SULF1: variants seen among roughly 807,000 people sequenced by gnomAD.
SULF1 encodes the protein sulfatase 1.
Under a neutral mutation model 110.5 loss-of-function variants are expected in SULF1, and 46 were observed. That is an observed-to-expected ratio of 0.42 (90% CI 0.33 to 0.53). The LOEUF (loss-of-function observed/expected upper bound fraction) is 0.53. Ranked by LOEUF, SULF1 falls within the 20% of genes least tolerant of loss-of-function variation. The pLI, the probability that SULF1 is intolerant of heterozygous loss-of-function variation, is 0.12. For missense variants in SULF1, 941 were observed against 1,094.2 expected (o/e 0.86, Z 1.98); for synonymous variants, 371 against 387.1 (o/e 0.96, Z 0.49).
In SULF1 at chr8:69,572,898, G is replaced by A. The variant is rs144127657; in HGVS notation, c.173-3072G>A. ...GCTGAAGTGCAGTGGCGCGATCTTGGCTCACTGCAACCTCTGCCTCCTGGG... is the reference window on the plus strand; with the variant it reads ...GCTGAAGTGCAGTGGCGCGATCTTGACTCACTGCAACCTCTGCCTCCTGGG... On this transcript the variant is annotated intron_variant, in intron 5 of 22. Transcript: ENST00000402687. 1.8e-3 allele frequency among the ~76,000 whole-genome samples: 271 copies of A among 152,304 alleles called. 1 individual carries two copies. Among genetic ancestry groups the A allele is most frequent in the African/African-American group, 6.3e-3 (261 of 41,562 alleles).
intron 6 of SULF1, among the ~76,000 whole-genome samples, chr8:69,579,642 C>T (rs147479624): frequency 2.0e-5 from 3 of 150,400 alleles, no homozygotes; most frequent in African/African-American, 4.9e-5. Context: ...GATGGGAAAA[C>T]ATTACAGTAT....
intron 3 of SULF1, among the ~76,000 whole-genome samples, chr8:69,537,701 G>T (rs1399623007): frequency 6.6e-6 from 1 of 152,186 alleles, no homozygotes; most frequent in African/African-American, 2.4e-5. Context: ...TATGTCAGGG[G>T]ACACTGAGGC....
chr8:69,569,657 C>A (rs767399608), intron 5 of SULF1, among the ~76,000 whole-genome samples: 2 of 152,166 alleles, frequency 1.3e-5, no homozygotes, highest in African/African-American at 2.4e-5. Flanking sequence ...TTTCTTATAC[C>A]TGGCTGCCTT....
At chr8:69,648,669 G>C (rs1287236065) in intron 22 of SULF1, among the ~76,000 whole-genome samples, 1 of 152,194 alleles carries the variant, frequency 6.6e-6, no homozygotes, top group African/African-American at 2.4e-5. Context: ...TGTGCCAAAG[G>C]GGAAGAGAAG....
intron 5 of SULF1, among the ~76,000 whole-genome samples, chr8:69,573,918 T>A (rs1805419363): frequency 6.6e-6 from 1 of 152,198 alleles, no homozygotes; most frequent in South Asian, 2.1e-4. Context: ...ACTCCCAGCC[T>A]TCTCATGCAT....
intron 1 of SULF1, among the ~76,000 whole-genome samples, chr8:69,495,024 G>A (rs1810239718): frequency 6.6e-6 from 1 of 152,166 alleles, no homozygotes; most frequent in African/African-American, 2.4e-5. Flanking sequence ...AGGGCTGGAT[G>A]AAGGGAATGG....
intron 3 of SULF1, among the ~76,000 whole-genome samples, chr8:69,543,732 G>T (rs1183477596): frequency 6.6e-6 from 1 of 152,046 alleles, no homozygotes; most frequent in Non-Finnish European, 1.5e-5. Flanking sequence ...CATCATTTAG[G>T]AATCCTTATA....
Position 69,570,858 on chromosome 8 carries a change from G to T in SULF1, c.173-5112G>T, listed in dbSNP as rs545586128. ...GGAAGATGTTCTCAGTCCCAGCCTG[G>T]AACTGGGGCACTGGGACAGTGTGTC... On this transcript the variant is annotated intron_variant, in intron 5 of 22. Transcript: ENST00000402687. Among the ~76,000 whole-genome samples, 6 of 152,308 alleles carry T rather than the reference G, an allele frequency of 3.9e-5. No individual in the cohort carries two copies. The East Asian group carries it at 1.2e-3, about 29-fold the overall frequency.
intron 3 of SULF1, among the ~76,000 whole-genome samples, chr8:69,560,641 T>C (rs965549802): frequency 6.6e-6 from 1 of 152,248 alleles, no homozygotes. Flanking sequence ...GGACTCTTGT[T>C]GTCCCCCACA....
chr8:69,628,094 G>T, intron 17 of SULF1, 77 bp from the exon 18 acceptor site: 3 of 1,232,366 alleles, frequency 2.4e-6, no homozygotes, highest in Non-Finnish European at 2.4e-6. Context: ...TTTCTATTTT[G>T]CTTTCTTTTT....
intron 22 of SULF1, among the ~76,000 whole-genome samples, chr8:69,651,051 C>CTTTTTTT (rs111556401): frequency 3.0e-5 from 4 of 134,162 alleles, no homozygotes; most frequent in African/African-American, 5.5e-5. Context: ...TCTTTTTTTT[C>CTTTTTTT]TTTTCTTTTT....
rs187090101 is a variant in SULF1, at chr8:69,538,069, C to T, written c.-133-25470C>T. Among the ~76,000 whole-genome samples, 855 of 152,010 alleles carry T rather than the reference C, an allele frequency of 5.6e-3. 5 individuals are homozygous for T. Among genetic ancestry groups the T allele is most frequent in the African/African-American group, 0.019 (794 of 41,500 alleles). On this transcript the variant is annotated intron_variant, in intron 3 of 22. Transcript: ENST00000402687. ...TCCGCCCCCCGGGGTTCACGCCATT[C>T]CCCTGCCTCAGCCTCCCGCGTAGCT...
chr8:69,603,470 T>C (rs1233203183), intron 11 of SULF1, 130 bp from the exon 12 acceptor site: 11 of 1,380,494 alleles, frequency 8.0e-6, no homozygotes, highest in Non-Finnish European at 1.1e-5. Flanking sequence ...TGCTTGTGAA[T>C]AGCATATTGA....
At chr8:69,555,308 A>C (rs1405195736) in intron 3 of SULF1, among the ~76,000 whole-genome samples, 6 of 152,172 alleles carry the variant, frequency 3.9e-5, no homozygotes, top group African/African-American at 1.4e-4. Flanking sequence ...TGCTGTGTTT[A>C]GCCCTGCAAA....
At chr8:69,630,663 G>A (rs1243028940) in intron 19 of SULF1, among the ~76,000 whole-genome samples, 1 of 152,164 alleles carries the variant, frequency 6.6e-6, no homozygotes, top group Non-Finnish European at 1.5e-5. Context: ...GGGTTATTCA[G>A]ATCGCTGGGG....
chr8:69,538,509 T>C (rs188577221), intron 3 of SULF1, among the ~76,000 whole-genome samples: 1 of 151,948 alleles, frequency 6.6e-6, no homozygotes, highest in Non-Finnish European at 1.5e-5. Flanking sequence ...AGAAGTTGAG[T>C]TGGTCTGAAA....
At chr8:69,633,658 A>G (rs934377315) in intron 19 of SULF1, among the ~76,000 whole-genome samples, 3 of 151,308 alleles carry the variant, frequency 2.0e-5, no homozygotes, top group Admixed American at 6.6e-5. Context: ...TTATTTATTT[A>G]TTTTATTATT....
chr8:69,542,655 G>C (rs1421521054), intron 3 of SULF1, among the ~76,000 whole-genome samples: 3 of 152,072 alleles, frequency 2.0e-5, no homozygotes, highest in African/African-American at 7.2e-5. Flanking sequence ...ATTACTTGAG[G>C]CCTCAGCATC....
intron 17 of SULF1, 106 bp downstream of exon 17, chr8:69,627,972 C>T: frequency 1.1e-6 from 1 of 940,858 alleles, no homozygotes; most frequent in East Asian, 2.4e-5. Context: ...AATGTATTGT[C>T]ATAGAGTACG....
Sources: allele counts gnomAD v4.1 joint callset (sites outside exome capture counted in the v4.1 genomes callset), GRCh38; gene constraint gnomAD v4.1.1; transcripts MANE v1.5; gene names NCBI Gene and HGNC (gene_info 2026-07-23, HGNC 2026-07-21).